The following FUT8 variants were observed in gnomAD, a reference collection of about 807,000 sequenced individuals.
FUT8 encodes fucosyltransferase 8.
A neutral mutation model predicts 71.3 loss-of-function variants in FUT8; 29 were observed. That is an observed-to-expected ratio of 0.41 (90% CI 0.30 to 0.55). FUT8 has a LOEUF of 0.55. Among genes scored for constraint, FUT8 ranks in the 20% least tolerant of loss-of-function variants. FUT8 has a pLI of 0.34. For synonymous variants in FUT8, 254 were observed against 239.3 expected (o/e 1.06, Z -0.57); for missense variants, 544 against 702.1 (o/e 0.77, Z 2.55).
intron 2 of FUT8, among the ~76,000 whole-genome samples, chr14:65,471,507 G>A (rs1485145798): frequency 6.6e-6 from 1 of 151,890 alleles, no homozygotes; most frequent in African/African-American, 2.4e-5. Context: ...GGAAAGTATG[G>A]GGACCCCTGT....
At chr14:65,423,776 T>C (rs1049886100) in intron 1 of FUT8, among the ~76,000 whole-genome samples, 5 of 152,244 alleles carry the variant, frequency 3.3e-5, no homozygotes, top group African/African-American at 9.6e-5. Context: ...TTGAAACTTA[T>C]TAAAGTTTAT....
In FUT8 at chr14:65,413,741, A is replaced by G. The variant is rs1295166919; in HGVS notation, c.-326+527A>G. ...GCGAGGGACTGATGCAGGGCAGTTA[A>G]AGGCTTGAGTGCAGCTGTACTCCCT... On this transcript the variant is annotated intron_variant, in intron 1 of 10. Transcript: ENST00000673929. This position sits in a 1 kb window ranked among gnomAD's most constrained non-coding sequence, Gnocchi z 4.1. Among the ~76,000 whole-genome samples, 1 of 152,178 alleles carries G rather than the reference A, an allele frequency of 6.6e-6. No homozygotes were observed. Among genetic ancestry groups the G allele is most frequent in the African/African-American group, 2.4e-5 (1 of 41,434 alleles).
At chr14:65,487,176 G>A (rs960484413) in intron 2 of FUT8, among the ~76,000 whole-genome samples, 2 of 152,194 alleles carry the variant, frequency 1.3e-5, no homozygotes, top group Non-Finnish European at 2.9e-5. Context: ...GTCAGGCAAA[G>A]TTCAGTTTGA....
At chr14:65,371,251 C>T in the FUT8 span, among the ~76,000 whole-genome samples, 3 of 152,318 alleles carry the variant, frequency 2.0e-5, no homozygotes, top group African/African-American at 7.2e-5. Context: ...ACTTTTCTTC[C>T]TGAATTATTT....
At chr14:65,575,595 C>CTTCCTTCCTTCT (rs1886721420) in intron 3 of FUT8, among the ~76,000 whole-genome samples, 7 of 141,684 alleles carry the variant, frequency 4.9e-5, no homozygotes, top group African/African-American at 1.7e-4. Context: ...TCCTTCCTTC[C>CTTCCTTCCTTCT]TTCCTTCCTT....
At chr14:65,677,162 ATGCGCGCG>A (rs1293187779) in intron 7 of FUT8, among the ~76,000 whole-genome samples, 1 of 27,204 alleles carries the variant, frequency 3.7e-5, no homozygotes, top group Non-Finnish European at 9.4e-5. Context: ...GCGCGCGCGC[ATGCGCGCG>A]CACGTATGTG....
At chr14:65,649,916 A>G (rs17181374) in intron 6 of FUT8, among the ~76,000 whole-genome samples, 2,082 of 152,338 alleles carry the variant, frequency 0.014, 21 homozygotes, top group Admixed American at 0.026. Flanking sequence ...TATTGGGCTT[A>G]AAATACAGTT....
chr14:65,703,676 T>A (rs1361022672), intron 7 of FUT8, among the ~76,000 whole-genome samples: 1 of 152,166 alleles, frequency 6.6e-6, no homozygotes, highest in East Asian at 1.9e-4. Flanking sequence ...AGAAGATACA[T>A]TGTGCAGTCT....
intron 3 of FUT8, among the ~76,000 whole-genome samples, chr14:65,580,654 T>A (rs1887042068): frequency 6.6e-6 from 1 of 152,064 alleles, no homozygotes; most frequent in Non-Finnish European, 1.5e-5. Flanking sequence ...GTGAAAAATA[T>A]AGGCTTCCTC....
intron 7 of FUT8, among the ~76,000 whole-genome samples, chr14:65,700,230 G>C (rs1225112750): frequency 6.6e-6 from 1 of 152,058 alleles, no homozygotes; most frequent in East Asian, 1.9e-4. Flanking sequence ...TGCCATCCAT[G>C]ACATCAAGGC....
intron 3 of FUT8, among the ~76,000 whole-genome samples, chr14:65,581,903 T>C (rs1335495942): frequency 6.6e-6 from 1 of 152,160 alleles, no homozygotes; most frequent in Non-Finnish European, 1.5e-5. Flanking sequence ...ACATATAAAT[T>C]GTGGTTTAAG....
intron 1 of FUT8, among the ~76,000 whole-genome samples, chr14:65,414,250 A>G (rs928695524): frequency 2.6e-5 from 4 of 152,154 alleles, no homozygotes; most frequent in African/African-American, 9.7e-5. Flanking sequence ...CCTCTATGAA[A>G]ACTGTAGGCA....
At position 65,607,165 on chromosome 14, in the gene FUT8, A is replaced by AT. The variant is rs1020396253; in HGVS notation, c.204-8809dup. Among the ~76,000 whole-genome samples, 20 of 151,842 alleles carry AT rather than the reference A, an allele frequency of 1.3e-4. No individual in the cohort carries two copies. The highest frequency in any genetic ancestry group is 4.6e-4 in the African/African-American group (19 of 41,414). ...TTATCTGAATAACATTTGTTTCTTC[A>AT]TTTTCTACACTTGTAAGTCTTACTT... On this transcript the variant is annotated intron_variant, in intron 3 of 10. Coordinates refer to ENST00000673929, the MANE Select transcript of FUT8 (RefSeq NM_001371533.1). The surrounding 1 kb of genome is among the most constrained non-coding windows in gnomAD (Gnocchi z 4.1).
chr14:65,378,530 T>G, the FUT8 span, among the ~76,000 whole-genome samples: 1 of 152,138 alleles, frequency 6.6e-6, no homozygotes, highest in Non-Finnish European at 1.5e-5. Context: ...AAAAAACACC[T>G]TAAGTAAATG....
intron 2 of FUT8, among the ~76,000 whole-genome samples, chr14:65,559,221 C>A (rs1000577376): frequency 6.6e-6 from 1 of 151,918 alleles, no homozygotes; most frequent in Non-Finnish European, 1.5e-5. Flanking sequence ...CTGTTTTCTG[C>A]GTTACTTTTG....
intron 2 of FUT8, among the ~76,000 whole-genome samples, chr14:65,504,194 G>C (rs1364609953): frequency 1.3e-5 from 2 of 152,130 alleles, no homozygotes; most frequent in Non-Finnish European, 2.9e-5. Flanking sequence ...TATTAAAGTA[G>C]GATGTTAACT....
At chr14:65,479,318 G>T (rs192914938) in intron 2 of FUT8, among the ~76,000 whole-genome samples, 1 of 152,256 alleles carries the variant, frequency 6.6e-6, no homozygotes. Context: ...TGGCCCAAAT[G>T]ATTTAATTAT....
intron 2 of FUT8, among the ~76,000 whole-genome samples, chr14:65,474,441 G>GAAAAAAAGAAAAAAAAAAAAAAAAA (rs2066200003): frequency 2.5e-5 from 1 of 39,698 alleles, no homozygotes; most frequent in African/African-American, 1.0e-4. Flanking sequence ...TGTCTCTACT[G>GAAAAAAAGAAAAAAAAAAAAAAAAA]AAAAAAAAAA....
rs1049631587 is a variant in FUT8, at chr14:65,669,643, T to G, written c.835+163T>G. Among the ~76,000 whole-genome samples, 1 of 152,250 alleles carries G rather than the reference T, an allele frequency of 6.6e-6. No individual in the cohort carries two copies. The highest frequency in any genetic ancestry group is 1.5e-5 in the Non-Finnish European group (1 of 68,044). On this transcript the variant is annotated intron_variant, in intron 7 of 10. Coordinates refer to ENST00000673929, the MANE Select transcript of FUT8 (RefSeq NM_001371533.1). The surrounding 1 kb of genome is among the most constrained non-coding windows in gnomAD (Gnocchi z 4.5). ...AATCTAGAAGAACAGTATTTTATCTTAAAAGTATTTTATTATGTATTTCAT... is the reference window on the plus strand; with the variant it reads ...AATCTAGAAGAACAGTATTTTATCTGAAAAGTATTTTATTATGTATTTCAT...
Sources: allele counts gnomAD v4.1 joint callset (sites outside exome capture counted in the v4.1 genomes callset), GRCh38; gene constraint gnomAD v4.1.1; non-coding constraint Gnocchi (gnomAD v3.1); transcripts MANE v1.5; gene names NCBI Gene and HGNC (gene_info 2026-07-23, HGNC 2026-07-21).